DACH1: variants seen among roughly 807,000 people sequenced by gnomAD.
DACH1 encodes dachshund family transcription factor 1.
DACH1 carries 12 observed loss-of-function variants against 54.2 expected under a neutral mutation model. The observed-to-expected ratio is 0.22, with a 90% CI of 0.14 to 0.36. The LOEUF is 0.36. Among genes scored for constraint, DACH1 ranks in the 10% least tolerant of loss-of-function variants. The pLI, the probability that DACH1 is intolerant of heterozygous loss-of-function variation, is 1.00. For missense variants in DACH1, 805 were observed against 929.8 expected (o/e 0.87, Z 1.75); for synonymous variants, 386 against 366.2 (o/e 1.05, Z -0.62).
intron 1 of DACH1, among the ~76,000 whole-genome samples, chr13:71,748,950 TTCTCTCTTTCTTTCTCTC>T (rs1394001156): frequency 4.6e-4 from 39 of 85,374 alleles, no homozygotes; most frequent in Non-Finnish European, 7.2e-4. Flanking sequence ...CTTTCTTTCT[TTCTCTCTTTCTTTCTCTC>T]TCTCTCTTTC....
At chr13:71,509,956 C>A (rs1235151458) in intron 6 of DACH1, among the ~76,000 whole-genome samples, 1 of 152,048 alleles carries the variant, frequency 6.6e-6, no homozygotes, top group African/African-American at 2.4e-5. Flanking sequence ...ATTCCCAGTT[C>A]TCTAGTATAA....
chr13:71,592,494 C>CAAAAAAAAAA (rs575364116), intron 3 of DACH1, among the ~76,000 whole-genome samples: 1 of 32,770 alleles, frequency 3.1e-5, no homozygotes. Context: ...GACTCTATCT[C>CAAAAAAAAAA]AAAAAAAAAA....
At chr13:71,683,838 C>T (rs923496501) in intron 1 of DACH1, among the ~76,000 whole-genome samples, 4 of 151,918 alleles carry the variant, frequency 2.6e-5, no homozygotes, top group African/African-American at 9.7e-5. Flanking sequence ...TATCTATAGC[C>T]CATATCTTTC....
intron 6 of DACH1, among the ~76,000 whole-genome samples, chr13:71,508,153 T>TA (rs986544407): frequency 1.2e-4 from 18 of 152,134 alleles, no homozygotes; most frequent in African/African-American, 1.7e-4. Context: ...TCTGTCCAGT[T>TA]AAAAAAAATC....
At chr13:71,816,511 C>T (rs766489169) in intron 1 of DACH1, among the ~76,000 whole-genome samples, 1 of 150,166 alleles carries the variant, frequency 6.7e-6, no homozygotes, top group Non-Finnish European at 1.5e-5. Context: ...ACCTAAATGT[C>T]CATCAATGAT....
intron 6 of DACH1, among the ~76,000 whole-genome samples, chr13:71,489,862 A>G (rs1167446430): frequency 6.6e-6 from 1 of 152,156 alleles, no homozygotes; most frequent in African/African-American, 2.4e-5. Context: ...CAGGGAATCA[A>G]ATTTAAAAAT....
chr13:71,644,441 G>A (rs1315886222), intron 2 of DACH1, among the ~76,000 whole-genome samples: 1 of 152,150 alleles, frequency 6.6e-6, no homozygotes, highest in Non-Finnish European at 1.5e-5. Context: ...CTGTGTTGAG[G>A]ATGAAAGTTG....
At chr13:71,665,897 T>G (rs1051274191) in intron 2 of DACH1, among the ~76,000 whole-genome samples, 3 of 152,136 alleles carry the variant, frequency 2.0e-5, no homozygotes, top group African/African-American at 4.8e-5. Flanking sequence ...TTAAATTTTG[T>G]GTACCTTAAT....
intron 1 of DACH1, 95 bp downstream of exon 1, chr13:71,865,827 C>A (rs1469744268): frequency 3.0e-6 from 4 of 1,331,424 alleles, no homozygotes; most frequent in East Asian, 3.1e-5. Context: ...GGCTCGCGGG[C>A]GCGCAGAGCG....
intron 2 of DACH1, among the ~76,000 whole-genome samples, chr13:71,640,994 T>G (rs1283745152): frequency 1.3e-5 from 2 of 152,024 alleles, no homozygotes; most frequent in Admixed American, 1.3e-4. Context: ...GTTTTTTTCT[T>G]TTTCCAGATT....
At chr13:71,598,048 C>A (rs1483183242) in intron 3 of DACH1, among the ~76,000 whole-genome samples, 1 of 150,182 alleles carries the variant, frequency 6.7e-6, no homozygotes, top group African/African-American at 2.5e-5. Context: ...CCTCTCCACT[C>A]CAGTCTGGGC....
At position 71,563,852 on chromosome 13, in the gene DACH1, T is replaced by C. The variant is rs1179455553; in HGVS notation, c.1300-3897A>G. 4.6e-5 allele frequency among the ~76,000 whole-genome samples: 7 copies of C among 151,638 alleles called. No individual in the cohort carries two copies. The East Asian group carries it at 1.4e-3, about 29-fold the overall frequency. The stretch of plus-strand genomic sequence containing the variant: ...AATACTGTTATTTGAAGAAAATATT[T>C]TAATTTATGCAAGTGTTTATGATTT... On this transcript the variant is annotated intron_variant, in intron 4 of 10. Coordinates refer to ENST00000613252, the MANE Select transcript of DACH1 (RefSeq NM_080759.6).
rs1235154422 is a variant in DACH1, at chr13:71,438,724, A to G, written c.*1931T>C. 1.3e-5 allele frequency: 2 copies of G among 152,444 alleles called. No homozygotes were observed. Among genetic ancestry groups the G allele is most frequent in the East Asian group, 3.9e-4 (2 of 5,192 alleles). 9.4% of individuals were successfully genotyped at this position (152,444 alleles called of 1,614,324 possible). A position where few individuals can be genotyped will look rare whatever the true frequency, so the allele number is the denominator to read the frequency against. ...AAAAAGCTTGACACAAGTCCATTCA[A>G]TTTTAAGTGTTGTAATCCTTTAAAG... On this transcript the variant is annotated 3_prime_UTR_variant, in exon 11 of 11. Transcript: ENST00000613252.
At chr13:71,691,534 C>T (rs1178220030) in intron 1 of DACH1, among the ~76,000 whole-genome samples, 1 of 151,434 alleles carries the variant, frequency 6.6e-6, no homozygotes, top group Admixed American at 6.6e-5. Context: ...CCATGGCAAT[C>T]TGGCTTCAGA....
At chr13:71,571,431 A>G (rs1047010307) in intron 4 of DACH1, among the ~76,000 whole-genome samples, 2 of 152,190 alleles carry the variant, frequency 1.3e-5, no homozygotes, top group Non-Finnish European at 2.9e-5. Context: ...CAATACGGTG[A>G]TATCTTGCTT....
At chr13:71,620,099 T>A (rs907840898) in intron 3 of DACH1, among the ~76,000 whole-genome samples, 3 of 151,924 alleles carry the variant, frequency 2.0e-5, no homozygotes, top group African/African-American at 7.2e-5. Flanking sequence ...ACTTTAATAT[T>A]TTTATGTAAA....
chr13:71,584,320 T>G (rs1353290013), intron 3 of DACH1, among the ~76,000 whole-genome samples: 1 of 152,226 alleles, frequency 6.6e-6, no homozygotes, highest in Non-Finnish European at 1.5e-5. Context: ...ATTTTGAAAT[T>G]TTGCTCTGTG....
At chr13:71,452,003 GA>G (rs555548009) in intron 10 of DACH1, among the ~76,000 whole-genome samples, 431 of 152,290 alleles carry the variant, frequency 2.8e-3, no homozygotes, top group African/African-American at 9.7e-3. Flanking sequence ...TATAGACAGA[GA>G]AAATGCTAAA....
chr13:71,758,971 T>C (rs1885286665), intron 1 of DACH1, among the ~76,000 whole-genome samples: 1 of 151,810 alleles, frequency 6.6e-6, no homozygotes, highest in African/African-American at 2.4e-5. Context: ...AATTCTCACC[T>C]TGCTCTGCCC....
Sources: gnomAD v4.1 joint callset for allele counts (sites outside exome capture counted in the v4.1 genomes callset) on GRCh38, gnomAD v4.1.1 for gene constraint, MANE v1.5 for transcripts, NCBI Gene and HGNC (gene_info 2026-07-23, HGNC 2026-07-21) for gene names.